The following TIA1 variants were observed in gnomAD, a reference collection of about 807,000 sequenced individuals.
TIA1 encodes the protein TIA1 cytotoxic granule associated RNA binding protein, also known as cytotoxic granule associated RNA binding protein TIA1.
A neutral mutation model predicts 65.9 loss-of-function variants in TIA1; 23 were observed. The ratio of observed to expected loss-of-function variants is 0.35; its 90% CI spans 0.25 to 0.49. The LOEUF (loss-of-function observed/expected upper bound fraction) is 0.49, where lower values mean the gene tolerates loss of function less well. TIA1 is among the 20% of genes least tolerant of loss of function. TIA1 has a pLI of 0.98. For synonymous variants in TIA1, 147 were observed against 149.4 expected, an observed-to-expected ratio of 0.98 and a Z score of 0.12; for missense variants, 371 against 477.9, an observed-to-expected ratio of 0.78 and a Z score of 2.09.
chr2:70,235,574 G>GTGTGTGTGTGTGTA (rs1688533662), intron 2 of TIA1, among the ~76,000 whole-genome samples: 1 of 151,026 alleles, frequency 6.6e-6, no homozygotes, highest in African/African-American at 2.4e-5. Context: ...GTGTGTGTAT[G>GTGTGTGTGTGTGTA]TGTGTGTGTT....
At chr2:70,227,864 C>A (rs756330656) in intron 5 of TIA1, 42 bp from the exon 6 acceptor site, 2 of 1,374,240 alleles carry the variant, frequency 1.5e-6, no homozygotes, top group Non-Finnish European at 2.0e-6. Flanking sequence ...AAAAATAGAA[C>A]TTTAGAATTT....
intron 3 of TIA1, among the ~76,000 whole-genome samples, chr2:70,230,394 T>A (rs1490022525): frequency 6.6e-6 from 1 of 152,162 alleles, no homozygotes; most frequent in South Asian, 2.1e-4. Flanking sequence ...CTCACATCTA[T>A]AATCCCAACA....
At chr2:70,227,290 T>C (rs1380258596) in intron 6 of TIA1, among the ~76,000 whole-genome samples, 2 of 152,148 alleles carry the variant, frequency 1.3e-5, no homozygotes, top group African/African-American at 4.8e-5. Flanking sequence ...GGTGTAAATA[T>C]CTAGAAAATA....
chr2:70,248,301 T>C (rs1205977364), intron 1 of TIA1, 104 bp downstream of exon 1: 1 of 1,348,258 alleles, frequency 7.4e-7, no homozygotes, highest in Admixed American at 2.3e-5. Flanking sequence ...AACCACGATA[T>C]CGCGGTGTCC....
Position 70,224,649 on chromosome 2 carries a change from G to A in TIA1, c.399-20C>T. On this transcript the variant is annotated intron_variant, in intron 6 of 12. Coordinates refer to ENST00000433529, the MANE Select transcript of TIA1 (RefSeq NM_022173.4). ...GCATCTCTGAAATCAGAAACAATCA[G>A]AAGTTTAGGTTTGCAAACTATCCTC... 6.2e-7 allele frequency: 1 copy of A among 1,612,284 alleles called. No homozygotes were observed.
intron 7 of TIA1, among the ~76,000 whole-genome samples, chr2:70,222,516 T>C (rs1681917289): frequency 6.6e-6 from 1 of 152,172 alleles, no homozygotes; most frequent in Admixed American, 6.5e-5. Flanking sequence ...CTGGGGGTAA[T>C]TGCAATCAGG....
intron 11 of TIA1, 39 bp from the exon 12 acceptor site, chr2:70,214,533 A>G (rs755249606): frequency 3.9e-6 from 6 of 1,522,564 alleles, no homozygotes; most frequent in Non-Finnish European, 5.3e-6. Flanking sequence ...AGTTAACTAT[A>G]TATATACAAT....
In TIA1 at chr2:70,244,569, T is replaced by C. The variant is rs527865868; in HGVS notation, c.26+3836A>G. 3.6e-3 allele frequency among the ~76,000 whole-genome samples: 542 copies of C among 152,104 alleles called. 3 individuals carry two copies. Among genetic ancestry groups the C allele is most frequent in the African/African-American group, 0.013 (520 of 41,510 alleles). ...AATCTAATCTTTAAAATAGGTCTGA[T>C]TGTCGCCTGTAATCCCAGCACTTTG... On this transcript the variant is annotated intron_variant, in intron 1 of 12. Transcript: ENST00000433529.
At chr2:70,247,915 G>C (rs1695134804) in intron 1 of TIA1, among the ~76,000 whole-genome samples, 1 of 151,350 alleles carries the variant, frequency 6.6e-6, no homozygotes, top group Admixed American at 6.6e-5. Flanking sequence ...ATGAGTACAA[G>C]CACCCTCGAG....
intron 11 of TIA1, 41 bp from the exon 12 acceptor site, chr2:70,214,535 A>G: frequency 6.6e-7 from 1 of 1,519,710 alleles, no homozygotes; most frequent in Non-Finnish European, 8.9e-7. Context: ...TTAACTATAT[A>G]TATACAATCC....
intron 7 of TIA1, among the ~76,000 whole-genome samples, chr2:70,217,558 T>TTTTTTGTATTTTTA (rs1679198937): frequency 2.0e-5 from 3 of 152,100 alleles, no homozygotes; most frequent in African/African-American, 7.2e-5. Context: ...CCACCACGCC[T>TTTTTTGTATTTTTA]GGCTCATTTT....
intron 7 of TIA1, among the ~76,000 whole-genome samples, chr2:70,218,828 T>C (rs1679907122): frequency 6.6e-6 from 1 of 152,198 alleles, no homozygotes; most frequent in South Asian, 2.1e-4. Flanking sequence ...TATTCTAGAT[T>C]TTTAAAAAGT....
chr2:70,247,291 A>G (rs772992068), intron 1 of TIA1, among the ~76,000 whole-genome samples: 21 of 152,242 alleles, frequency 1.4e-4, no homozygotes, highest in African/African-American at 2.7e-4. Context: ...TCCAATATAG[A>G]CAAGAAATAG....
At chr2:70,240,384 T>G (rs1691120712) in intron 1 of TIA1, among the ~76,000 whole-genome samples, 1 of 152,134 alleles carries the variant, frequency 6.6e-6, no homozygotes, top group Non-Finnish European at 1.5e-5. Context: ...ATAAGACAAC[T>G]CAGTCTCTTC....
At chr2:70,217,103 T>C (rs1039133109) in intron 7 of TIA1, 109 bp from the exon 8 acceptor site, 42 of 1,131,982 alleles carry the variant, frequency 3.7e-5, no homozygotes, top group Admixed American at 2.0e-4. Context: ...TAAGTGAAAA[T>C]GCTCTATGAA....
chr2:70,232,821 A>C (rs1366473987), intron 2 of TIA1, among the ~76,000 whole-genome samples: 1 of 151,746 alleles, frequency 6.6e-6, no homozygotes, highest in African/African-American at 2.4e-5. Context: ...GTGAGCCAAG[A>C]TGGTGCCACT....
chr2:70,222,897 G>T (rs1438934072), intron 7 of TIA1, among the ~76,000 whole-genome samples: 2 of 152,184 alleles, frequency 1.3e-5, no homozygotes, highest in Non-Finnish European at 2.9e-5. Flanking sequence ...CTGGGCAACA[G>T]AGCGAAACTC....
chr2:70,248,538 C>A lies in TIA1; in HGVS notation c.-108G>T, dbSNP rs1177582192. 6.5e-7 allele frequency: 1 copy of A among 1,531,998 alleles called. No individual in the cohort carries two copies. Among genetic ancestry groups the A allele is most frequent in the Non-Finnish European group, 8.9e-7 (1 of 1,125,774 alleles). The allele number at this position is 1,531,998 out of a possible 1,614,324, so 94.9% of individuals were successfully genotyped here. A position where few individuals can be genotyped will look rare whatever the true frequency, so the allele number is the denominator to read the frequency against. On this transcript the variant is annotated 5_prime_UTR_variant, in exon 1 of 13. Transcript: ENST00000433529. ...CAGGATAGTGGGGTTTCTCGGCTGACCAGAGGTTACTCCGCCTCCTCCTCC... is the reference window on the plus strand; with the variant it reads ...CAGGATAGTGGGGTTTCTCGGCTGAACAGAGGTTACTCCGCCTCCTCCTCC...
At chr2:70,228,589 A>C in intron 5 of TIA1, 1 of 1,106,144 alleles carries the variant, frequency 9.0e-7, no homozygotes, top group Non-Finnish European at 1.1e-6. Context: ...AAAAAGAAAC[A>C]CTTTAAAAAT....
Sources: allele counts gnomAD v4.1 joint callset (sites outside exome capture counted in the v4.1 genomes callset), GRCh38; gene constraint gnomAD v4.1.1; transcripts MANE v1.5; gene names NCBI Gene and HGNC (gene_info 2026-07-23, HGNC 2026-07-21).